The following KCP variants were observed in gnomAD, a reference collection of about 807,000 sequenced individuals.
The protein encoded by KCP is kielin cysteine rich BMP regulator, also known as kielin/chordin-like protein.
Under a neutral mutation model 212.7 loss-of-function variants are expected in KCP, and 194 were observed. The observed-to-expected ratio is 0.91, with a 90% CI of 0.81 to 1.03. The LOEUF (loss-of-function observed/expected upper bound fraction) is 1.03, where lower values mean the gene tolerates loss of function less well. KCP is among the 50% of genes least tolerant of loss of function. The pLI is 0.00. For missense variants in KCP, 2,080 were observed against 2,162.5 expected (o/e 0.96, Z 0.76); for synonymous variants, 833 against 865.3 (o/e 0.96, Z 0.65).
chr7:128,908,383 A>C, intron 2 of KCP, 43 bp downstream of exon 2: 2 of 1,518,878 alleles, frequency 1.3e-6, no homozygotes, highest in Non-Finnish European at 1.8e-6. Flanking sequence ...CACTATGAGA[A>C]GCCCTCCTTA....
chr7:128,891,699 CT>C lies in KCP; in HGVS notation c.1741del (p.Arg581GlyfsTer46). ...AGGCAGCGGGTGGGCACAGGGGGCC[CT>C]GGGGCAGGGGCGAGGCTGGCAGTGG... ...HAHCQPRPCP[R>X]APCAHPLPGT... On this transcript the variant is annotated frameshift_variant, in exon 17 of 40. Coordinates refer to ENST00000610776, the MANE Select transcript of KCP (RefSeq NM_001366122.1). LOFTEE classifies it high-confidence loss of function. The C allele has an allele frequency of 1.4e-6, 2 of 1,451,602 alleles. No individual in the cohort carries two copies. The highest frequency in any genetic ancestry group is 1.8e-6 in the Non-Finnish European group (2 of 1,100,636). The allele number at this position is 1,451,602 out of a possible 1,614,324, so 89.9% of individuals were successfully genotyped here.
rs958168564 is a variant in KCP, at chr7:128,880,680, G to A, written c.3555C>T (p.Leu1185=). The part of the protein sequence containing the change: ...VECHLEECQA[L]SCPHGWAKVP... ...CCTTCGCCCAGCCATGGGGGCAGGA[G>A]AGGGCCTGGCACTCCTCGAGGTGGC... The change falls in exon 33 of 40, where the codon CTC becomes CTT. Residue 1185 remains leucine (L), a synonymous_variant. Transcript: ENST00000610776. The A allele has an allele frequency of 2.0e-5, 11 of 560,638 alleles. No homozygotes were observed. Among genetic ancestry groups the A allele is most frequent in the Middle Eastern group, 5.1e-4 (1 of 1,944 alleles). 34.7% of individuals were successfully genotyped at this position (560,638 alleles called of 1,614,324 possible). A position where few individuals can be genotyped will look rare whatever the true frequency, so the allele number is the denominator to read the frequency against.
At position 128,907,164 on chromosome 7, in the gene KCP, A is replaced by G. The variant is rs991100423; in HGVS notation, c.423T>C (p.Asn141=). The G allele has an allele frequency of 6.4e-7, 1 of 1,551,480 alleles. No homozygotes were observed. Among genetic ancestry groups the G allele is most frequent in the African/African-American group, 1.4e-5 (1 of 73,176 alleles). ...TCTCCCCGTTGCCGTAGGTCTGGCC[A>G]TTTTGGCTGCAGCCTAAGGAGACAG... ...HLPHCRGCSQ[N]GQTYGNGETF... Residue 141 remains asparagine (N), a synonymous_variant, in exon 4 of 40, where the codon AAT becomes AAC. Transcript: ENST00000610776.
rs1793086266 is a variant in KCP at position 128,877,802 on chromosome 7, G to C, written c.4312-12C>G. Reference sequence around the variant, plus strand: ...AGCCCCTCTGAGACCTGGGTGGGGAGAGCAGCCCTGACGTGACAGCACCAC... The same window carrying C: ...AGCCCCTCTGAGACCTGGGTGGGGACAGCAGCCCTGACGTGACAGCACCAC... On this transcript the variant is annotated splice_polypyrimidine_tract_variant and intron_variant, in intron 38 of 39. Transcript: ENST00000610776. The C allele has an allele frequency of 6.5e-7, 1 of 1,540,024 alleles. No homozygotes were observed. Among genetic ancestry groups the C allele is most frequent in the South Asian group, 1.2e-5 (1 of 82,682 alleles).
chr7:128,891,047 GCGGGCGTGGGCCGCGC>G lies in KCP; in HGVS notation c.2006_2021del (p.Gly669AlafsTer80). 7.3e-7 allele frequency: 1 copy of G among 1,376,346 alleles called. No homozygotes were observed. The highest frequency in any genetic ancestry group is 9.3e-7 in the Non-Finnish European group (1 of 1,071,000). The allele number at this position is 1,376,346 out of a possible 1,614,324, so 85.3% of individuals were successfully genotyped here. A position where few individuals can be genotyped will look rare whatever the true frequency, so the allele number is the denominator to read the frequency against. ...CGGGCGGGGAGAAGTACTCCTGGTGGCGGGCGTGGGCCGCGCCGGGCCGTGGGCAGCCGGCGGGGGC... is the reference window on the plus strand; with the variant it reads ...CGGGCGGGGAGAAGTACTCCTGGTGGCGGGCCGTGGGCAGCCGGCGGGGGC... On this transcript the variant is annotated frameshift_variant, in exon 20 of 40. Transcript: ENST00000610776. LOFTEE classifies it high-confidence loss of function.
In KCP at chr7:128,893,471, C is replaced by T. The variant is rs1346234015; in HGVS notation, c.1105G>A (p.Glu369Lys). The change falls in exon 12 of 40, where the codon GAG becomes AAG. Residue 369 changes from glutamate to lysine, a missense_variant. Physicochemically the swap from Glu to Lys is moderately conservative, Grantham distance 56. Coordinates refer to ENST00000610776, the MANE Select transcript of KCP (RefSeq NM_001366122.1). The part of the protein sequence containing the change: ...GQCCPVCDGC[E>K]YQGHQYQSQE... ...CTCTGATACTGGTGTCCCTGGTACT[C>T]ACAGCCTGGATGGGATGACAGGGGC... 6.4e-7 allele frequency: 1 copy of T among 1,550,680 alleles called. No individual in the cohort carries two copies. The highest frequency in any genetic ancestry group is 2.4e-5 in the East Asian group (1 of 40,940).
In KCP at chr7:128,881,100, A is replaced by G. The variant is rs1246676804; in HGVS notation, c.3425-15T>C. 4 of 398,724 alleles carry G rather than the reference A, an allele frequency of 1.0e-5. No individual in the cohort carries two copies. The highest frequency in any genetic ancestry group is 1.8e-5 in the Non-Finnish European group (4 of 226,222). The allele number at this position is 398,724 out of a possible 1,614,324, so 24.7% of individuals were successfully genotyped here. On this transcript the variant is annotated splice_polypyrimidine_tract_variant and intron_variant, in intron 31 of 39. Transcript: ENST00000610776. ...CACCACACATTCTGAGGGGGGAGAC[A>G]TGGGATGGGCAGGCACTGTCCCTCC...
chr7:128,904,188 T>G, intron 5 of KCP, 50 bp from the exon 6 acceptor site: 1 of 1,529,264 alleles, frequency 6.5e-7, no homozygotes, highest in Non-Finnish European at 8.9e-7. Flanking sequence ...GCAGGGTGGG[T>G]GGACATCACT....
rs898464648 is a variant in KCP at position 128,907,524 on chromosome 7, G to A, written c.220-71C>T. 2.5e-5 allele frequency: 27 copies of A among 1,086,152 alleles called. No individual in the cohort carries two copies. In the African/African-American group the frequency reaches 3.4e-4, roughly 14 times the overall value. 67.3% of individuals were successfully genotyped at this position (1,086,152 alleles called of 1,614,324 possible). ...ACCATCTCCAGTAGAGATGAGGGGT[G>A]TGAAAATGAGGCAGGATGAGAAAGA... On this transcript the variant is annotated intron_variant, in intron 2 of 39. Coordinates refer to ENST00000610776, the MANE Select transcript of KCP (RefSeq NM_001366122.1).
In KCP at chr7:128,888,939, G is replaced by A. The variant is rs771425934; in HGVS notation, c.2436C>T (p.Cys812=). The A allele has an allele frequency of 2.0e-5, 31 of 1,550,534 alleles. No individual in the cohort carries two copies. Among genetic ancestry groups the A allele is most frequent in the East Asian group, 2.4e-5 (1 of 40,888 alleles). Residue 812 remains cysteine, a synonymous_variant, in exon 22 of 40, where the codon TGC becomes TGT. Coordinates refer to ENST00000610776, the MANE Select transcript of KCP (RefSeq NM_001366122.1). ...CCGGAGGCTCACAGGGCCGGCGGCC[G>A]CAGGTCACGAAGCCTCCAAGACAGG... ...LCTCLGGFVT[C]GRRPCEPPGC...
At chr7:128,900,311 C>T (rs1326364398) in intron 8 of KCP, among the ~76,000 whole-genome samples, 2 of 152,160 alleles carry the variant, frequency 1.3e-5, no homozygotes, top group African/African-American at 4.8e-5. Flanking sequence ...TTATTAAATT[C>T]TAGTCTCAGC....
intron 29 of KCP, among the ~76,000 whole-genome samples, chr7:128,882,651 T>G (rs935461569): frequency 2.0e-5 from 3 of 152,172 alleles, no homozygotes; most frequent in African/African-American, 7.2e-5. Context: ...CCCTCCCTGA[T>G]GGATGCCAGG....
At chr7:128,880,132 T>G in intron 34 of KCP, 47 bp from the exon 35 acceptor site, 1 of 1,477,456 alleles carries the variant, frequency 6.8e-7, no homozygotes, top group Non-Finnish European at 9.0e-7. Context: ...CTCCCCGCCA[T>G]GCCTCTCGCA....
rs1284694501 is a variant in KCP at position 128,891,644 on chromosome 7, A to G, written c.1795+2T>C. 1.4e-6 allele frequency: 2 copies of G among 1,467,794 alleles called. No homozygotes were observed. Among genetic ancestry groups the G allele is most frequent in the African/African-American group, 2.8e-5 (2 of 70,618 alleles). 90.9% of individuals were successfully genotyped at this position (1,467,794 alleles called of 1,614,324 possible). On this transcript the variant is annotated splice_donor_variant, in intron 17 of 39. Coordinates refer to ENST00000610776, the MANE Select transcript of KCP (RefSeq NM_001366122.1). LOFTEE classifies it high-confidence loss of function. Reference sequence around the variant, plus strand: ...AAGGCCGCCCTGACCCGCCCACCTCACCGCTGCAGTCGTTCGGGCAGCAGG... The same window carrying G: ...AAGGCCGCCCTGACCCGCCCACCTCGCCGCTGCAGTCGTTCGGGCAGCAGG...
chr7:128,908,615 C>A, intron 1 of KCP, 47 bp from the exon 2 acceptor site: 3 of 1,523,336 alleles, frequency 2.0e-6, no homozygotes, highest in Non-Finnish European at 2.7e-6. Flanking sequence ...GAGGGGCTGG[C>A]CTGGCCACAT....
intron 5 of KCP, chr7:128,904,352 G>A (rs750003072): frequency 1.2e-5 from 18 of 1,551,602 alleles, no homozygotes; most frequent in South Asian, 7.1e-5. Context: ...CTCTGAACAC[G>A]AGGGCCCCTG....
intron 29 of KCP, among the ~76,000 whole-genome samples, chr7:128,883,014 G>A (rs7801473): frequency 0.31 from 47,771 of 151,656 alleles, 8,705 homozygotes; most frequent in East Asian, 0.5. Flanking sequence ...GCAGTGAGCC[G>A]AGATTGTGCC....
chr7:128,892,847 C>T, intron 14 of KCP, 22 bp downstream of exon 14: 2 of 1,550,962 alleles, frequency 1.3e-6, no homozygotes, highest in South Asian at 1.2e-5. Context: ...GGAAGAAAGC[C>T]AGGATCAGCC....
At position 128,894,068 on chromosome 7, in the gene KCP, G is replaced by C. The variant is rs1476037158; in HGVS notation, c.926-13C>G. 5 of 1,547,738 alleles carry C rather than the reference G, an allele frequency of 3.2e-6. No homozygotes were observed. The highest frequency in any genetic ancestry group is 3.9e-5 in the Admixed American group (2 of 50,870). Reference sequence around the variant, plus strand: ...TTTAGGAAACAGCCTGTTGGGAAGGGGGGCCTTAGATGTTCCTCAGGGGCC... The same window carrying C: ...TTTAGGAAACAGCCTGTTGGGAAGGCGGGCCTTAGATGTTCCTCAGGGGCC... On this transcript the variant is annotated splice_polypyrimidine_tract_variant and intron_variant, in intron 9 of 39. Coordinates refer to ENST00000610776, the MANE Select transcript of KCP (RefSeq NM_001366122.1).
Sources: gnomAD v4.1 joint callset for allele counts (sites outside exome capture counted in the v4.1 genomes callset) on GRCh38, gnomAD v4.1.1 for gene constraint, MANE v1.5 for transcripts, NCBI Gene and HGNC (gene_info 2026-07-23, HGNC 2026-07-21) for gene names.